The following SNTG2 variants were observed in gnomAD, a reference collection of about 807,000 sequenced individuals.
SNTG2 encodes the protein gamma-2-syntrophin.
A neutral mutation model predicts 70.9 loss-of-function variants in SNTG2; 74 were observed. That is an observed-to-expected ratio of 1.04 (90% CI 0.86 to 1.27). SNTG2 has a LOEUF of 1.27. Among genes scored for constraint, SNTG2 ranks in the 50% most tolerant of loss-of-function variants. SNTG2 has a pLI of 0.00. For synonymous variants in SNTG2, 278 were observed against 273.8 expected, an observed-to-expected ratio of 1.02 and a Z score of -0.15; for missense variants, 717 against 690.7, an observed-to-expected ratio of 1.04 and a Z score of -0.43.
At chr2:1,314,303 A>G (rs1681164179) in intron 15 of SNTG2, among the ~76,000 whole-genome samples, 1 of 152,204 alleles carries the variant, frequency 6.6e-6, no homozygotes, top group Non-Finnish European at 1.5e-5. Context: ...GCACATACCT[A>G]TGATCACAGG....
chr2:1,158,289 A>G (rs971040246), intron 6 of SNTG2: 2 of 152,076 alleles, frequency 1.3e-5, no homozygotes, highest in African/African-American at 4.8e-5. Context: ...AAAAATTTAC[A>G]TAGAAAAGTA....
At chr2:1,179,070 G>C (rs1451867661) in intron 8 of SNTG2, among the ~76,000 whole-genome samples, 4 of 152,162 alleles carry the variant, frequency 2.6e-5, no homozygotes, top group Non-Finnish European at 5.9e-5. Flanking sequence ...ATTTCTTCTA[G>C]ATTTTCTAGT....
At chr2:1,241,518 A>G (rs566196247) in intron 11 of SNTG2, among the ~76,000 whole-genome samples, 2 of 151,718 alleles carry the variant, frequency 1.3e-5, no homozygotes, top group East Asian at 3.9e-4. Flanking sequence ...CATGTGCACA[A>G]CGTGCAGGTT....
At chr2:1,266,493 AT>A (rs1322836271) in intron 13 of SNTG2, among the ~76,000 whole-genome samples, 3 of 152,182 alleles carry the variant, frequency 2.0e-5, no homozygotes, top group African/African-American at 7.2e-5. Context: ...ACATCATTAC[AT>A]CATTCCCTTT....
chr2:1,005,813 ATATATATAT>A (rs1659546804), intron 1 of SNTG2, among the ~76,000 whole-genome samples: 1 of 812 alleles, frequency 1.2e-3, no homozygotes, highest in African/African-American at 4.5e-3. Flanking sequence ...CAAAATATAT[ATATATATAT>A]ATATATATAT....
At chr2:1,091,775 C>T (rs1271696879) in intron 2 of SNTG2, among the ~76,000 whole-genome samples, 2 of 152,140 alleles carry the variant, frequency 1.3e-5, no homozygotes, top group Admixed American at 1.3e-4. Context: ...ACTCTAATCC[C>T]AGGATATTGA....
At chr2:1,342,226 T>C (rs1211176076) in intron 16 of SNTG2, among the ~76,000 whole-genome samples, 2 of 86,374 alleles carry the variant, frequency 2.3e-5, no homozygotes, top group African/African-American at 1.4e-4. Context: ...TTATGAATTA[T>C]GTTATGATTA....
chr2:1,280,295 T>TTAA (rs1316284257), intron 14 of SNTG2, among the ~76,000 whole-genome samples: 10 of 152,198 alleles, frequency 6.6e-5, no homozygotes, highest in African/African-American at 2.2e-4. Flanking sequence ...AACCTCCAGT[T>TTAA]TAATTACACA....
chr2:1,165,910 A>T (rs2147861280), intron 7 of SNTG2, among the ~76,000 whole-genome samples: 1 of 152,176 alleles, frequency 6.6e-6, no homozygotes, highest in East Asian at 1.9e-4. Context: ...CTTCATGCAA[A>T]CTCACCATGA....
chr2:1,185,507 A>G (rs1160544516), intron 8 of SNTG2, among the ~76,000 whole-genome samples: 2 of 152,324 alleles, frequency 1.3e-5, no homozygotes, highest in Non-Finnish European at 2.9e-5. Flanking sequence ...AGGAATTTCC[A>G]TACATCCTCT....
intron 16 of SNTG2, among the ~76,000 whole-genome samples, chr2:1,326,655 T>G (rs1449305046): frequency 6.6e-6 from 1 of 152,140 alleles, no homozygotes; most frequent in Non-Finnish European, 1.5e-5. Flanking sequence ...TCTTTTACTA[T>G]CTCCTATTAA....
chr2:973,256 C>T (rs983967975), intron 1 of SNTG2, among the ~76,000 whole-genome samples: 1 of 152,186 alleles, frequency 6.6e-6, no homozygotes, highest in African/African-American at 2.4e-5. Context: ...AGTGAATTCT[C>T]TCAGCTTTTG....
At chr2:1,083,744 T>C (rs1572390944) in intron 2 of SNTG2, 89 bp downstream of exon 2, 2 of 1,457,418 alleles carry the variant, frequency 1.4e-6, no homozygotes, top group East Asian at 4.6e-5. Context: ...GAATGATTGC[T>C]GAGCAAAAGC....
chr2:1,351,496 A>G (rs1371540010), intron 16 of SNTG2, among the ~76,000 whole-genome samples: 1 of 152,198 alleles, frequency 6.6e-6, no homozygotes, highest in Non-Finnish European at 1.5e-5. Context: ...TACAGAGAAC[A>G]CTGCCAAGGA....
At chr2:1,010,191 C>A (rs745829983) in intron 1 of SNTG2, among the ~76,000 whole-genome samples, 1 of 151,860 alleles carries the variant, frequency 6.6e-6, no homozygotes, top group African/African-American at 2.4e-5. Context: ...TTGAATGTGG[C>A]GTGAGCACTT....
intron 1 of SNTG2, among the ~76,000 whole-genome samples, chr2:990,036 C>A (rs948523677): frequency 6.6e-6 from 1 of 152,184 alleles, no homozygotes; most frequent in East Asian, 1.9e-4. Flanking sequence ...CAGCTGCTGA[C>A]CCCTTTGTGG....
At chr2:1,213,177 G>A (rs1483998398) in intron 9 of SNTG2, among the ~76,000 whole-genome samples, 1 of 152,132 alleles carries the variant, frequency 6.6e-6, no homozygotes. Flanking sequence ...ATTAAATCAA[G>A]CTACTTGGCA....
At chr2:1,281,187 TG>T (rs1679495216) in intron 14 of SNTG2, among the ~76,000 whole-genome samples, 1 of 150,102 alleles carries the variant, frequency 6.7e-6, no homozygotes, top group Non-Finnish European at 1.5e-5. Flanking sequence ...TGGTCTGTGG[TG>T]GTGTGTGTAT....
chr2:1,090,232 A>G (rs1383924671), intron 2 of SNTG2, among the ~76,000 whole-genome samples: 2 of 152,242 alleles, frequency 1.3e-5, no homozygotes, highest in South Asian at 4.1e-4. Flanking sequence ...TCCAAAGTTG[A>G]TAAGTTTTCT....
Sources: allele counts gnomAD v4.1 joint callset (sites outside exome capture counted in the v4.1 genomes callset), GRCh38; gene constraint gnomAD v4.1.1; transcripts MANE v1.5; gene names NCBI Gene and HGNC (gene_info 2026-07-23, HGNC 2026-07-21).